Variants in L3MBTL4 observed in about 807,000 individuals in gnomAD.
The protein encoded by L3MBTL4 is L3MBTL histone methyl-lysine binding protein 4.
Under a neutral mutation model 84.5 loss-of-function variants are expected in L3MBTL4, and 70 were observed. The observed-to-expected ratio is 0.83, with a 90% CI of 0.68 to 1.01. The LOEUF (loss-of-function observed/expected upper bound fraction) is 1.01, where lower values mean the gene tolerates loss of function less well. L3MBTL4 is among the 50% of genes least tolerant of loss of function. The pLI is 0.00. For missense variants in L3MBTL4, 715 were observed against 754.8 expected, an observed-to-expected ratio of 0.95 and a Z score of 0.62; for synonymous variants, 274 against 259.8, an observed-to-expected ratio of 1.05 and a Z score of -0.52.
intron 14 of L3MBTL4, among the ~76,000 whole-genome samples, chr18:6,103,375 T>A (rs28378314): frequency 0.14 from 22,035 of 152,210 alleles, 1,715 homozygotes; most frequent in African/African-American, 0.2. Flanking sequence ...CATGTCAAGA[T>A]TAGTTTTAAT....
rs1568069890 is a variant in L3MBTL4 at position 6,072,885 on chromosome 18, T to TAAAAAAAAA, written c.1444+7995_1444+7996insTTTTTTTTT. Among the ~76,000 whole-genome samples the TAAAAAAAAA allele has an allele frequency of 4.5e-4, 4 of 8,918 alleles. 1 individual carries two copies. Among genetic ancestry groups the TAAAAAAAAA allele is most frequent in the Non-Finnish European group, 6.5e-4 (4 of 6,132 alleles). The allele number at this position is 8,918 out of a possible 152,430, so 5.9% of individuals were successfully genotyped here. A position where few individuals can be genotyped will look rare whatever the true frequency, so the allele number is the denominator to read the frequency against. Reference sequence around the variant, plus strand: ...CGTCTCAAAAAAAAAAAAAAAAATATATATATATATATATATATATATATA... The same window carrying TAAAAAAAAA: ...CGTCTCAAAAAAAAAAAAAAAAATATAAAAAAAAAATATATATATATATATATATATATA... On this transcript the variant is annotated intron_variant, in intron 16 of 18. Transcript: ENST00000317931.
At chr18:6,006,153 T>A (rs889245056) in intron 16 of L3MBTL4, among the ~76,000 whole-genome samples, 8 of 152,234 alleles carry the variant, frequency 5.3e-5, no homozygotes, top group Admixed American at 4.6e-4. Flanking sequence ...TCAAGAAATA[T>A]GGTTCCCATT....
intron 4 of L3MBTL4, among the ~76,000 whole-genome samples, chr18:6,274,732 AG>A (rs1257466022): frequency 1.3e-5 from 2 of 152,198 alleles, no homozygotes; most frequent in Non-Finnish European, 2.9e-5. Flanking sequence ...AGAATAAGAA[AG>A]GAAGACTGAT....
At chr18:6,127,074 C>A (rs11874491) in intron 14 of L3MBTL4, among the ~76,000 whole-genome samples, 49 of 152,072 alleles carry the variant, frequency 3.2e-4, no homozygotes, top group African/African-American at 1.2e-3. Context: ...AAATTAAAGC[C>A]GTGCCTTTGG....
intron 10 of L3MBTL4, among the ~76,000 whole-genome samples, chr18:6,234,934 T>C (rs542642650): frequency 6.6e-6 from 1 of 152,086 alleles, no homozygotes; most frequent in Non-Finnish European, 1.5e-5. Context: ...CCATCAGTCA[T>C]AGACTGAATT....
intron 16 of L3MBTL4, among the ~76,000 whole-genome samples, chr18:6,012,099 A>G (rs1002454128): frequency 2.0e-5 from 3 of 152,194 alleles, no homozygotes; most frequent in Admixed American, 2.0e-4. Context: ...GGGAGGAGAG[A>G]CATTTCAGGA....
At chr18:6,359,753 G>A (rs980062791) in intron 1 of L3MBTL4, among the ~76,000 whole-genome samples, 3 of 151,984 alleles carry the variant, frequency 2.0e-5, no homozygotes, top group Non-Finnish European at 4.4e-5. Flanking sequence ...AGATCCTTAC[G>A]CAAAGGAGAC....
At chr18:6,199,694 G>T (rs2045567953) in intron 12 of L3MBTL4, among the ~76,000 whole-genome samples, 1 of 152,180 alleles carries the variant, frequency 6.6e-6, no homozygotes, top group Non-Finnish European at 1.5e-5. Context: ...AAGGGTAAGG[G>T]AGAAAGATAG....
At chr18:6,284,125 A>G (rs1209667932) in intron 4 of L3MBTL4, among the ~76,000 whole-genome samples, 1 of 152,220 alleles carries the variant, frequency 6.6e-6, no homozygotes, top group Admixed American at 6.5e-5. Flanking sequence ...GTTGTTTGGT[A>G]TCATTCAATT....
At chr18:6,066,200 T>C (rs2057393586) in intron 16 of L3MBTL4, among the ~76,000 whole-genome samples, 1 of 152,170 alleles carries the variant, frequency 6.6e-6, no homozygotes, top group Non-Finnish European at 1.5e-5. Flanking sequence ...CCAGTTTTAT[T>C]CCACAGTGGT....
At chr18:6,160,261 C>T (rs1040268687) in intron 13 of L3MBTL4, among the ~76,000 whole-genome samples, 1 of 152,242 alleles carries the variant, frequency 6.6e-6, no homozygotes, top group African/African-American at 2.4e-5. Flanking sequence ...TTCCCTTACT[C>T]AGTGACTACC....
At chr18:6,239,090 C>T (rs2047340064) in intron 9 of L3MBTL4, among the ~76,000 whole-genome samples, 1 of 151,912 alleles carries the variant, frequency 6.6e-6, no homozygotes, top group Non-Finnish European at 1.5e-5. Context: ...GCCTGTAATC[C>T]CAGCACTTTG....
chr18:6,036,215 T>C (rs555104154), intron 16 of L3MBTL4, among the ~76,000 whole-genome samples: 1 of 152,346 alleles, frequency 6.6e-6, no homozygotes, highest in African/African-American at 2.4e-5. Flanking sequence ...TATATTCATG[T>C]CTTCTACTAA....
At chr18:6,068,488 C>G (rs1189286094) in intron 16 of L3MBTL4, among the ~76,000 whole-genome samples, 1 of 152,164 alleles carries the variant, frequency 6.6e-6, no homozygotes, top group Non-Finnish European at 1.5e-5. Context: ...ACCTTCCTGT[C>G]CCAGTATTCC....
chr18:6,233,590 C>T (rs573846224), intron 10 of L3MBTL4, among the ~76,000 whole-genome samples: 3 of 151,314 alleles, frequency 2.0e-5, no homozygotes, highest in Non-Finnish European at 1.5e-5. Flanking sequence ...AATAAAATAC[C>T]TAGGAATCCA....
intron 3 of L3MBTL4, among the ~76,000 whole-genome samples, chr18:6,307,435 CAA>C (rs10610609): frequency 0.021 from 2,415 of 115,368 alleles, 60 homozygotes; most frequent in African/African-American, 0.069. Context: ...GACTCCGTCT[CAA>C]AAAAAAAAAA....
In L3MBTL4 at chr18:6,414,848, G is replaced by A. The variant is rs1457318944; in HGVS notation, c.-138C>T. The A allele has an allele frequency of 2.0e-5, 3 of 150,590 alleles. No individual in the cohort carries two copies. The highest frequency in any genetic ancestry group is 7.3e-5 in the African/African-American group (3 of 41,234). 9.3% of individuals were successfully genotyped at this position (150,590 alleles called of 1,614,324 possible). On this transcript the variant is annotated 5_prime_UTR_variant, in exon 1 of 19. Coordinates refer to ENST00000317931, the MANE Select transcript of L3MBTL4 (RefSeq NM_001330559.2). The surrounding 1 kb of genome is among the most constrained non-coding windows in gnomAD (Gnocchi z 5.4). ...CGCAACGCCGACCGAGCTACAGGCG[G>A]GGGGCGAGTCGGAGCGCGAGGTTCC...
chr18:6,307,801 G>A (rs1279926118), intron 3 of L3MBTL4, among the ~76,000 whole-genome samples: 1 of 152,212 alleles, frequency 6.6e-6, no homozygotes, highest in South Asian at 2.1e-4. Flanking sequence ...TTCACAGGGA[G>A]AGGGAGAATG....
intron 1 of L3MBTL4, among the ~76,000 whole-genome samples, chr18:6,412,579 AG>A (rs2056014175): frequency 6.6e-6 from 1 of 152,010 alleles, no homozygotes; most frequent in East Asian, 1.9e-4. Context: ...GAAGAACTCG[AG>A]GGCTTTCCAT....
Sources: gnomAD v4.1 joint callset for allele counts (sites outside exome capture counted in the v4.1 genomes callset) on GRCh38, gnomAD v4.1.1 for gene constraint, Gnocchi (gnomAD v3.1) non-coding constraint, MANE v1.5 for transcripts, NCBI Gene and HGNC (gene_info 2026-07-23, HGNC 2026-07-21) for gene names.